KCNJ5: variants seen among roughly 807,000 people sequenced by gnomAD.
KCNJ5 encodes the protein G protein-activated inward rectifier potassium channel 4.
A neutral mutation model predicts 20.2 loss-of-function variants in KCNJ5; 12 were observed. The ratio of observed to expected loss-of-function variants is 0.59; its 90% CI spans 0.38 to 0.96. The LOEUF is 0.96. KCNJ5 is among the 40% of genes least tolerant of loss of function. The pLI is 0.00. For missense variants in KCNJ5, 449 were observed against 557.6 expected, an observed-to-expected ratio of 0.81 and a Z score of 1.96; for synonymous variants, 210 against 213.9, an observed-to-expected ratio of 0.98 and a Z score of 0.16.
intron 1 of KCNJ5, among the ~76,000 whole-genome samples, chr11:128,894,656 C>T (rs1555142424): frequency 6.6e-6 from 1 of 152,236 alleles, no homozygotes; most frequent in Non-Finnish European, 1.5e-5. Flanking sequence ...GTGTATTTCT[C>T]AAAAAGACTT....
At chr11:128,914,215 G>A (rs1944543404) in intron 2 of KCNJ5, among the ~76,000 whole-genome samples, 1 of 152,220 alleles carries the variant, frequency 6.6e-6, no homozygotes, top group African/African-American at 2.4e-5. Flanking sequence ...GGGATTGGGT[G>A]AGAGACATGG....
In KCNJ5 at chr11:128,918,419, G is replaced by C. The variant is rs1362335766; in HGVS notation, c.*1688G>C. On this transcript the variant is annotated 3_prime_UTR_variant, in exon 3 of 3. Transcript: ENST00000529694. ...GGAGGCCCAAGAGCAAGGGTGGAGG[G>C]GGGCAGATTGTCAGGTCCCGAAATG... 1 of 152,360 alleles carries C rather than the reference G, an allele frequency of 6.6e-6. No homozygotes were observed. Among genetic ancestry groups the C allele is most frequent in the Non-Finnish European group, 1.5e-5 (1 of 68,156 alleles). 9.4% of individuals were successfully genotyped at this position (152,360 alleles called of 1,614,324 possible).
Position 128,894,788 on chromosome 11 carries a change from T to C in KCNJ5, c.-11+3067T>C, listed in dbSNP as rs969901850. Among the ~76,000 whole-genome samples the C allele has an allele frequency of 2.6e-5, 4 of 152,250 alleles. 1 individual carries two copies. The South Asian group carries it at 6.2e-4, about 24-fold the overall frequency. Reference sequence around the variant, plus strand: ...AAGGCCCTGCCTGTGCAGCAGCAGCTTATCTAGTTCCTCCTACCTTGACAT... The same window carrying C: ...AAGGCCCTGCCTGTGCAGCAGCAGCCTATCTAGTTCCTCCTACCTTGACAT... On this transcript the variant is annotated intron_variant, in intron 1 of 2. Transcript: ENST00000529694.
chr11:128,896,185 A>G (rs550084566), intron 1 of KCNJ5, among the ~76,000 whole-genome samples: 5 of 146,572 alleles, frequency 3.4e-5, no homozygotes, highest in South Asian at 2.2e-4. Context: ...CTTTAACTCA[A>G]TCTCTTTGTC....
At chr11:128,901,576 C>T (rs1212592497) in intron 1 of KCNJ5, 1 of 152,246 alleles carries the variant, frequency 6.6e-6, no homozygotes, top group Admixed American at 6.5e-5. Flanking sequence ...AGGATGTCTC[C>T]GAGCAAAACG....
intron 1 of KCNJ5, among the ~76,000 whole-genome samples, chr11:128,895,382 A>ACCCCCCCC (rs59889127): frequency 2.8e-5 from 4 of 141,312 alleles, no homozygotes; most frequent in Admixed American, 7.1e-5. Flanking sequence ...GTGTGCCCCC[A>ACCCCCCCC]CCCCCCCCCC....
In KCNJ5 at chr11:128,913,029, C is replaced by T. The variant is rs555973104; in HGVS notation, c.937+819C>T. 4.6e-5 allele frequency among the ~76,000 whole-genome samples: 7 copies of T among 152,276 alleles called. No homozygotes were observed. The East Asian group carries it at 9.6e-4, about 21-fold the overall frequency. On this transcript the variant is annotated intron_variant, in intron 2 of 2. Coordinates refer to ENST00000529694, the MANE Select transcript of KCNJ5 (RefSeq NM_000890.5). ...TCAGATAGCTCTGGTAATCACAGGG[C>T]GAAACAAAAGCGAACTGGTTTCTTT...
Position 128,911,184 on chromosome 11 carries a change from G to A in KCNJ5, c.-10-80G>A, listed in dbSNP as rs892259793. The A allele has an allele frequency of 1.8e-5, 21 of 1,139,708 alleles. No individual in the cohort carries two copies. The highest frequency in any genetic ancestry group is 4.6e-5 in the African/African-American group (3 of 65,194). The allele number at this position is 1,139,708 out of a possible 1,614,324, so 70.6% of individuals were successfully genotyped here. On this transcript the variant is annotated intron_variant, in intron 1 of 2. Transcript: ENST00000529694. The surrounding 1 kb of genome is among the most constrained non-coding windows in gnomAD (Gnocchi z 6.3). Reference sequence around the variant, plus strand: ...CAGAAGAGAAGCCTGGGAGAGCCCCGGGGTGGGGGTGGCCTTCCATCTTGT... The same window carrying A: ...CAGAAGAGAAGCCTGGGAGAGCCCCAGGGTGGGGGTGGCCTTCCATCTTGT...
Position 128,916,306 on chromosome 11 carries a change from A to C in KCNJ5, c.938-103A>C, listed in dbSNP as rs1331640132. ...AACAGATGACTGGATGGATGGATGG[A>C]TGGATAGATGGATGGATGGATGGAT... is the stretch of plus-strand genomic sequence containing the variant. On this transcript the variant is annotated intron_variant, in intron 2 of 2. Coordinates refer to ENST00000529694, the MANE Select transcript of KCNJ5 (RefSeq NM_000890.5). 4.6e-6 allele frequency: 4 copies of C among 872,916 alleles called. No individual in the cohort carries two copies. The African/African-American group carries it at 5.0e-5, about 11-fold the overall frequency. 54.1% of individuals were successfully genotyped at this position (872,916 alleles called of 1,614,324 possible).
At position 128,893,943 on chromosome 11, in the gene KCNJ5, T is replaced by C. The variant is rs956851692; in HGVS notation, c.-11+2222T>C. Among the ~76,000 whole-genome samples the C allele has an allele frequency of 2.2e-4, 33 of 152,236 alleles. 1 individual carries two copies. The highest frequency in any genetic ancestry group is 7.5e-4 in the African/African-American group (31 of 41,454). ...TCCCTGGTGCCAAGCAAAATCCCTT[T>C]GGGGCTTTCTGCAAGCACCTGACTG... On this transcript the variant is annotated intron_variant, in intron 1 of 2. Transcript: ENST00000529694.
intron 1 of KCNJ5, among the ~76,000 whole-genome samples, chr11:128,897,209 G>A (rs12790975): frequency 0.49 from 73,883 of 149,594 alleles, 18,555 homozygotes; most frequent in Middle Eastern, 0.58. Flanking sequence ...GTGATTCTCC[G>A]GCCTCAGCCT....
At position 128,918,879 on chromosome 11, in the gene KCNJ5, G is replaced by A. The variant is rs1481510625; in HGVS notation, c.*2148G>A. On this transcript the variant is annotated 3_prime_UTR_variant, in exon 3 of 3. Transcript: ENST00000529694. ...TGCAGTTGTGGTCCCAAGCCTTGGA[G>A]GGAATGGGGAATGGGCTGGCACCCG... The A allele has an allele frequency of 2.0e-5, 3 of 152,468 alleles. No individual in the cohort carries two copies. Among genetic ancestry groups the A allele is most frequent in the African/African-American group, 4.8e-5 (2 of 41,456 alleles). The allele number at this position is 152,468 out of a possible 1,614,324, so 9.4% of individuals were successfully genotyped here. A position where few individuals can be genotyped will look rare whatever the true frequency, so the allele number is the denominator to read the frequency against.
chr11:128,902,434 G>A (rs1944301182), intron 1 of KCNJ5: 4 of 1,290,810 alleles, frequency 3.1e-6, no homozygotes. Context: ...GTTTGCACAG[G>A]GTGCCAGTTA....
rs1944653614 is a variant in KCNJ5, at chr11:128,920,792, C to T, written c.*4061C>T. 6.6e-6 allele frequency: 1 copy of T among 152,260 alleles called. No homozygotes were observed. Among genetic ancestry groups the T allele is most frequent in the African/African-American group, 2.4e-5 (1 of 41,476 alleles). 9.4% of individuals were successfully genotyped at this position (152,260 alleles called of 1,614,324 possible). A position where few individuals can be genotyped will look rare whatever the true frequency, so the allele number is the denominator to read the frequency against. ...CCTGCCTAAACTCTCACATCCACGG[C>T]ACCACGCTGGGCCCAGGCAACAGAG... On this transcript the variant is annotated 3_prime_UTR_variant, in exon 3 of 3. Coordinates refer to ENST00000529694, the MANE Select transcript of KCNJ5 (RefSeq NM_000890.5).
Position 128,911,624 on chromosome 11 carries a change from C to T in KCNJ5, c.351C>T (p.Asp117=), listed in dbSNP as rs765873474. The change falls in exon 2 of 3, where the codon GAC becomes GAT. Residue 117 remains aspartate (D), a synonymous_variant. Transcript: ENST00000529694. This position sits in a 1 kb window ranked among gnomAD's most constrained non-coding sequence, Gnocchi z 6.3. ...GGCTCATTGCTTATATCCGGGGTGA[C>T]CTGGACCATGTTGGCGACCAAGAGT... The part of the protein sequence containing the change: ...IWWLIAYIRG[D]LDHVGDQEWI... 78 of 1,614,056 alleles carry T rather than the reference C, an allele frequency of 4.8e-5. No individual in the cohort carries two copies. The highest frequency in any genetic ancestry group is 5.6e-5 in the Non-Finnish European group (66 of 1,180,024).
In KCNJ5 at chr11:128,912,157, A is replaced by G; in HGVS notation, c.884A>G (p.His295Arg). 1 of 1,610,414 alleles carries G rather than the reference A, an allele frequency of 6.2e-7. No homozygotes were observed. Among genetic ancestry groups the G allele is most frequent in the Non-Finnish European group, 8.5e-7 (1 of 1,180,004 alleles). The change falls in exon 2 of 3, where the codon CAT becomes CGT. Residue 295 changes from histidine (H) to arginine (R), a missense_variant. His to Arg is a conservative substitution (Grantham distance 29). Coordinates refer to ENST00000529694, the MANE Select transcript of KCNJ5 (RefSeq NM_000890.5). ...PFWEMSQAQL[H>R]QEEFEVVVIL... Reference sequence around the variant, plus strand: ...TGGGAGATGTCTCAGGCTCAGCTGCATCAGGAAGAGTTTGAAGTTGTGGTC... The same window carrying G: ...TGGGAGATGTCTCAGGCTCAGCTGCGTCAGGAAGAGTTTGAAGTTGTGGTC...
At chr11:128,910,132 C>G (rs999301490) in intron 1 of KCNJ5, among the ~76,000 whole-genome samples, 5 of 152,242 alleles carry the variant, frequency 3.3e-5, no homozygotes, top group Non-Finnish European at 7.3e-5. Context: ...TTCCTGGCTT[C>G]TGAGTGCTCA....
chr11:128,903,321 A>C (rs758321524), intron 1 of KCNJ5: 6 of 1,492,198 alleles, frequency 4.0e-6, no homozygotes, highest in Non-Finnish European at 2.8e-6. Flanking sequence ...AGAAGGATGT[A>C]GAGTGTGTCT....
chr11:128,897,407 T>C (rs1944194105), intron 1 of KCNJ5, among the ~76,000 whole-genome samples: 1 of 152,184 alleles, frequency 6.6e-6, no homozygotes. Context: ...CTGTTGACCA[T>C]CTTTTTATAT....
Sources: allele counts gnomAD v4.1 joint callset (sites outside exome capture counted in the v4.1 genomes callset), GRCh38; gene constraint gnomAD v4.1.1; non-coding constraint Gnocchi (gnomAD v3.1); transcripts MANE v1.5; gene names NCBI Gene and HGNC (gene_info 2026-07-23, HGNC 2026-07-21).